The following GFI1B variants were observed in gnomAD, a reference collection of about 807,000 sequenced individuals.
The protein encoded by GFI1B is growth factor independent 1B transcriptional repressor, also known as zinc finger protein Gfi-1b.
A neutral mutation model predicts 35.3 loss-of-function variants in GFI1B; 20 were observed. The ratio of observed to expected loss-of-function variants is 0.57; its 90% CI spans 0.40 to 0.82. GFI1B has a LOEUF of 0.82. Ranked by LOEUF, GFI1B falls within the 40% of genes least tolerant of loss-of-function variation. The probability of loss-of-function intolerance (pLI) is 0.00; values close to 1 mark genes in which losing one functional copy is unlikely to be tolerated. For missense variants in GFI1B, 430 were observed against 446.3 expected, an observed-to-expected ratio of 0.96 and a Z score of 0.33; for synonymous variants, 178 against 177.6, an observed-to-expected ratio of 1.00 and a Z score of -0.02.
In GFI1B at chr9:132,990,999, G is replaced by A; in HGVS notation, c.942G>A (p.Gln314=). The change falls in exon 7 of 7, where the codon CAG becomes CAA. Residue 314 remains glutamine, a synonymous_variant. Coordinates refer to ENST00000372122, the MANE Select transcript of GFI1B (RefSeq NM_001377304.1). ...FSCELCTKGF[Q]RKVDLRRHRE... ...GTGAGCTGTGCACCAAAGGCTTCCA[G>A]CGCAAGGTGGACCTGCGGCGGCACC... is the stretch of plus-strand genomic sequence containing the variant. 6.2e-7 allele frequency: 1 copy of A among 1,614,180 alleles called. No homozygotes were observed. Among genetic ancestry groups the A allele is most frequent in the Non-Finnish European group, 8.5e-7 (1 of 1,180,002 alleles).
At chr9:132,983,831 C>T (rs1848923442) in intron 1 of GFI1B, among the ~76,000 whole-genome samples, 2 of 152,252 alleles carry the variant, frequency 1.3e-5, no homozygotes, top group Admixed American at 6.5e-5. Context: ...GAGTAACTGC[C>T]CACCTGCTGG....
At chr9:132,993,153 G>A (rs1381826388), downstream of GFI1B, among the ~76,000 whole-genome samples, 1 of 152,172 alleles carries the variant, frequency 6.6e-6, no homozygotes, top group African/African-American at 2.4e-5. Flanking sequence ...AATTAGCTGG[G>A]CATGGTGGCG....
upstream of GFI1B, among the ~76,000 whole-genome samples, chr9:132,976,799 C>T (rs116966115): frequency 0.026 from 3,896 of 152,106 alleles, 81 homozygotes; most frequent in Non-Finnish European, 0.04. Flanking sequence ...AAAAAATTAA[C>T]CAGGCATGGT....
chr9:132,950,066 C>T (rs561813011), intron 1 of GFI1B, among the ~76,000 whole-genome samples: 4 of 152,234 alleles, frequency 2.6e-5, no homozygotes, highest in Admixed American at 1.3e-4. Context: ...GAGCCATGAT[C>T]GTGCCACTGC....
intron 1 of GFI1B, among the ~76,000 whole-genome samples, chr9:132,949,268 TACACAC>T (rs36015720): frequency 0.039 from 5,431 of 137,596 alleles, 115 homozygotes; most frequent in South Asian, 0.075. Flanking sequence ...AACCCACAGA[TACACAC>T]ACACACACAC....
chr9:132,969,115 G>T (rs1267977512), intron 1 of GFI1B, among the ~76,000 whole-genome samples: 1 of 151,972 alleles, frequency 6.6e-6, no homozygotes, highest in Non-Finnish European at 1.5e-5. Flanking sequence ...TGCAACCTCT[G>T]CCTCCCGGGT....
chr9:132,970,440 T>C (rs1463861061), intron 1 of GFI1B, among the ~76,000 whole-genome samples: 6 of 152,138 alleles, frequency 3.9e-5, no homozygotes, highest in Admixed American at 2.0e-4. Context: ...CACGCACGCA[T>C]GCACGCACGC....
chr9:132,974,054 G>A (rs10122534), upstream of GFI1B, among the ~76,000 whole-genome samples: 35,319 of 152,100 alleles, frequency 0.23, 4,216 homozygotes, highest in South Asian at 0.37. Context: ...GATAAGAGCC[G>A]CATAAAGTGG....
intron 1 of GFI1B, among the ~76,000 whole-genome samples, chr9:132,950,647 C>A (rs2132581776): frequency 1.2e-5 from 1 of 86,514 alleles, no homozygotes; most frequent in East Asian, 2.4e-4. Context: ...CAAGCTCTGC[C>A]TCCCGGGTTC....
chr9:132,970,854 T>C (rs1242609101), intron 1 of GFI1B, among the ~76,000 whole-genome samples: 1 of 151,888 alleles, frequency 6.6e-6, no homozygotes, highest in Admixed American at 6.6e-5. Context: ...TCATCAAGAG[T>C]TTATGGGGCG....
intron 1 of GFI1B, among the ~76,000 whole-genome samples, chr9:132,958,542 A>G (rs1307316280): frequency 1.3e-5 from 2 of 152,148 alleles, no homozygotes; most frequent in Non-Finnish European, 2.9e-5. Flanking sequence ...ATTCACTATC[A>G]AGAGGACAGT....
intron 1 of GFI1B, among the ~76,000 whole-genome samples, chr9:132,961,217 G>A (rs985780220): frequency 6.6e-6 from 1 of 152,072 alleles, no homozygotes; most frequent in Admixed American, 6.6e-5. Flanking sequence ...ATAGAAGACC[G>A]ATAAGTTAGG....
chr9:132,964,053 C>T (rs887339725), intron 1 of GFI1B, among the ~76,000 whole-genome samples: 7 of 152,120 alleles, frequency 4.6e-5, no homozygotes, highest in Non-Finnish European at 1.0e-4. Flanking sequence ...CCAGCCTGGC[C>T]AACATGGTGA....
At chr9:132,972,258 C>T (rs1364645932) in intron 1 of GFI1B, among the ~76,000 whole-genome samples, 1 of 151,680 alleles carries the variant, frequency 6.6e-6, no homozygotes, top group Non-Finnish European at 1.5e-5. Flanking sequence ...CCCGTCTCTA[C>T]TAAAAATACA....
At chr9:132,992,655 A>G (rs1168989242), downstream of GFI1B, among the ~76,000 whole-genome samples, 1 of 152,132 alleles carries the variant, frequency 6.6e-6, no homozygotes, top group Non-Finnish European at 1.5e-5. Flanking sequence ...CATCTCCTCC[A>G]TGAAGCCTCC....
At chr9:132,992,607 T>C (rs1802922017), downstream of GFI1B, among the ~76,000 whole-genome samples, 1 of 152,160 alleles carries the variant, frequency 6.6e-6, no homozygotes, top group Admixed American at 6.5e-5. Flanking sequence ...TGAACATTCC[T>C]TTTTGAAGTC....
chr9:132,983,415 T>C (rs1848906798), intron 1 of GFI1B, among the ~76,000 whole-genome samples: 1 of 152,110 alleles, frequency 6.6e-6, no homozygotes, highest in African/African-American at 2.4e-5. Context: ...TAGGCTGGTC[T>C]CGAACTCCTG....
chr9:132,988,850 T>C (rs1280160423), intron 4 of GFI1B, among the ~76,000 whole-genome samples: 3 of 151,972 alleles, frequency 2.0e-5, no homozygotes, highest in Non-Finnish European at 2.9e-5. Context: ...CTCTCTCACA[T>C]CCAACTTTGT....
intron 1 of GFI1B, among the ~76,000 whole-genome samples, chr9:132,970,951 C>G (rs1438184521): frequency 6.6e-6 from 1 of 152,184 alleles, no homozygotes; most frequent in Non-Finnish European, 1.5e-5. Flanking sequence ...CTGACATCAC[C>G]TAACCCTAAC....
Sources: gnomAD v4.1 joint callset for allele counts (sites outside exome capture counted in the v4.1 genomes callset) on GRCh38, gnomAD v4.1.1 for gene constraint, MANE v1.5 for transcripts, NCBI Gene and HGNC (gene_info 2026-07-23, HGNC 2026-07-21) for gene names.